PALS1: variants seen among roughly 807,000 people sequenced by gnomAD.
PALS1 encodes the protein protein PALS1.
PALS1 carries 31 observed loss-of-function variants against 78.9 expected under a neutral mutation model. The observed-to-expected ratio is 0.39, with a 90% confidence interval of 0.30 to 0.53. The LOEUF is 0.53. Among genes scored for constraint, PALS1 ranks in the 20% least tolerant of loss-of-function variants. The pLI is 0.67. For synonymous variants in PALS1, 276 were observed against 270.9 expected (o/e 1.02, Z -0.18); for missense variants, 704 against 826.5 (o/e 0.85, Z 1.82).
rs1304449085 is a variant in PALS1 at position 67,296,559 on chromosome 14, C to G, written c.576+3840C>G. Among the ~76,000 whole-genome samples, 2 of 124,182 alleles carry G rather than the reference C, an allele frequency of 1.6e-5. 1 individual carries two copies. The highest frequency in any genetic ancestry group is 5.0e-4 in the South Asian group (2 of 4,024). 81.5% of individuals were successfully genotyped at this position (124,182 alleles called of 152,430 possible). A position where few individuals can be genotyped will look rare whatever the true frequency, so the allele number is the denominator to read the frequency against. Reference sequence around the variant, plus strand: ...ATCGTGCCACTGCACTCCATCCAGCCTGGGCAACAGAGTGAAACTCTGTCT... The same window carrying G: ...ATCGTGCCACTGCACTCCATCCAGCGTGGGCAACAGAGTGAAACTCTGTCT... On this transcript the variant is annotated intron_variant, in intron 4 of 14. Coordinates refer to ENST00000261681, the MANE Select transcript of PALS1 (RefSeq NM_022474.4).
At chr14:67,286,578 G>A (rs555184594) in intron 3 of PALS1, among the ~76,000 whole-genome samples, 5 of 151,914 alleles carry the variant, frequency 3.3e-5, no homozygotes, top group South Asian at 2.1e-4. Flanking sequence ...GTTCTTAGCC[G>A]GGCGTGGTGG....
rs202026634 is a variant in PALS1, at chr14:67,244,879, GA to G, written c.-237+3347del. Among the ~76,000 whole-genome samples, 703 of 152,298 alleles carry G rather than the reference GA, an allele frequency of 4.6e-3. 4 individuals carry two copies. Among genetic ancestry groups the G allele is most frequent in the African/African-American group, 0.016 (670 of 41,564 alleles). On this transcript the variant is annotated intron_variant, in intron 1 of 14. Transcript: ENST00000261681. ...AGGTTGCTAATCAGATGACTTTAGG[GA>G]GATTATTGTGGATTATTCAGGTGGT...
chr14:67,302,563 G>T lies in PALS1; in HGVS notation c.955G>T (p.Asp319Tyr). The T allele has an allele frequency of 1.3e-6, 2 of 1,509,332 alleles. No homozygotes were observed. Among genetic ancestry groups the T allele is most frequent in the South Asian group, 2.8e-5 (2 of 71,324 alleles). 93.5% of individuals were successfully genotyped at this position (1,509,332 alleles called of 1,614,324 possible). ...GGGGAAAGATGTCAATGAGGTTTTT[G>T]ACTTGTTGGTAAGTTGACGCAGCTA... is the stretch of plus-strand genomic sequence containing the variant. ...IRGKDVNEVF[D>Y]LLSDMHGTLT... Residue 319 changes from aspartate to tyrosine, a missense_variant, in exon 7 of 15, where the codon GAC becomes TAC. Transcript: ENST00000261681.
Position 67,292,602 on chromosome 14 carries a change from T to A in PALS1, c.459T>A (p.Leu153=). Residue 153 remains leucine, a synonymous_variant, in exon 4 of 15, where the codon CTT becomes CTA. Coordinates refer to ENST00000261681, the MANE Select transcript of PALS1 (RefSeq NM_022474.4). ...SQEDISLLLQ[L]VQNKDFQNAF... is the part of the protein sequence containing the mutation. ...AGGATATTTCACTGCTTTTACAACT[T>A]GTTCAAAATAAGGATTTCCAGAATG... is the stretch of plus-strand genomic sequence containing the variant. 1.2e-6 allele frequency: 2 copies of A among 1,613,678 alleles called. No homozygotes were observed. The highest frequency in any genetic ancestry group is 1.7e-6 in the Non-Finnish European group (2 of 1,179,700).
chr14:67,246,910 A>G (rs1458208778), intron 1 of PALS1, among the ~76,000 whole-genome samples: 1 of 152,184 alleles, frequency 6.6e-6, no homozygotes, highest in Non-Finnish European at 1.5e-5. Flanking sequence ...CCGGCTTCCC[A>G]AAGTGCTGGG....
In PALS1 at chr14:67,275,806, T is replaced by C. The variant is rs115079875; in HGVS notation, c.-153-3212T>C. On this transcript the variant is annotated intron_variant, in intron 2 of 14. Coordinates refer to ENST00000261681, the MANE Select transcript of PALS1 (RefSeq NM_022474.4). ...TATTGCCTCAATTTCAGAGCTATTATTGGTGTATTCAGGGATTCGACTTCT... is the reference window on the plus strand; with the variant it reads ...TATTGCCTCAATTTCAGAGCTATTACTGGTGTATTCAGGGATTCGACTTCT... Among the ~76,000 whole-genome samples, 915 of 152,298 alleles carry C rather than the reference T, an allele frequency of 6.0e-3. 12 individuals carry two copies. The highest frequency in any genetic ancestry group is 0.021 in the African/African-American group (865 of 41,550).
chr14:67,301,345 C>T (rs774638717), intron 4 of PALS1, 44 bp from the exon 5 acceptor site: 1 of 1,390,640 alleles, frequency 7.2e-7, no homozygotes, highest in African/African-American at 1.4e-5. Flanking sequence ...GCTACTGATA[C>T]TTCCTATAAT....
intron 3 of PALS1, among the ~76,000 whole-genome samples, chr14:67,281,582 G>A (rs1240905420): frequency 3.9e-5 from 6 of 151,986 alleles, no homozygotes; most frequent in African/African-American, 1.2e-4. Flanking sequence ...GTGCAAACCT[G>A]GATTGATTCT....
intron 3 of PALS1, among the ~76,000 whole-genome samples, chr14:67,284,577 A>C (rs1291801680): frequency 2.1e-5 from 3 of 144,946 alleles, no homozygotes; most frequent in African/African-American, 2.5e-5. Context: ...AAAAAAAAAA[A>C]AAAAAAAAAA....
At chr14:67,260,218 G>A (rs2084214254) in intron 1 of PALS1, among the ~76,000 whole-genome samples, 1 of 152,122 alleles carries the variant, frequency 6.6e-6, no homozygotes. Context: ...TTATGAATGA[G>A]GACATTCCTC....
chr14:67,306,934 T>G (rs750456806), intron 8 of PALS1, among the ~76,000 whole-genome samples: 14 of 152,236 alleles, frequency 9.2e-5, no homozygotes, highest in Non-Finnish European at 1.9e-4. Flanking sequence ...GCAGCAGATA[T>G]CTTCCTGATT....
In PALS1 at chr14:67,317,498, G is replaced by C. The variant is rs760424261; in HGVS notation, c.1369+19G>C. On this transcript the variant is annotated intron_variant, in intron 11 of 14. Transcript: ENST00000261681. ...AATGATGGTAAGTTCTACTCTCAGG[G>C]ATAGGTGGAATTATATCTGAAAGGA... is the stretch of plus-strand genomic sequence containing the variant. The C allele has an allele frequency of 5.8e-6, 9 of 1,545,432 alleles. No homozygotes were observed. The Admixed American group carries it at 1.6e-4, about 27-fold the overall frequency.
At chr14:67,280,857 C>CCTTCCTTCCA in intron 3 of PALS1, among the ~76,000 whole-genome samples, 1 of 53,260 alleles carries the variant, frequency 1.9e-5, no homozygotes. Context: ...CCTTCCTTCC[C>CCTTCCTTCCA]TCCCTCCCTC....
At position 67,332,806 on chromosome 14, in the gene PALS1, G is replaced by A. The variant is rs149121571; in HGVS notation, c.1878G>A (p.Glu626=). The part of the protein sequence containing the change: ...PKPEELREII[E]KTREMEQNNG... ...CTGAAGAGTTGAGAGAAATCATTGAGAAGACAAGAGAGATGGAGCAGAACA... is the reference window on the plus strand; with the variant it reads ...CTGAAGAGTTGAGAGAAATCATTGAAAAGACAAGAGAGATGGAGCAGAACA... Residue 626 remains glutamate, a synonymous_variant, in exon 15 of 15, where the codon GAG becomes GAA. Coordinates refer to ENST00000261681, the MANE Select transcript of PALS1 (RefSeq NM_022474.4). 6,679 of 1,612,236 alleles carry A rather than the reference G, an allele frequency of 4.1e-3. 87 individuals carry two copies. Among genetic ancestry groups the A allele is most frequent in the Non-Finnish European group, 2.9e-3 (3,370 of 1,178,690 alleles).
chr14:67,321,022 A>G (rs1481633810), intron 12 of PALS1, 35 bp from the exon 13 acceptor site: 2 of 1,584,536 alleles, frequency 1.3e-6, no homozygotes, highest in Non-Finnish European at 1.7e-6. Context: ...ACTCTAAGCC[A>G]TGCCTGTTAT....
At position 67,323,738 on chromosome 14, in the gene PALS1, T is replaced by G; in HGVS notation, c.1777T>G (p.Tyr593Asp). ...KTLRNSDLKP[Y>D]IIFIAPPSQE... ...TCTCCGGAATTCAGATTTGAAACCA[T>G]ATATTATCTTCATTGCACCCCCTTC... The change falls in exon 14 of 15, where the codon TAT (tyrosine) becomes GAT (aspartate). Residue 593 changes from tyrosine to aspartate, a missense_variant. Transcript: ENST00000261681. 1 of 1,601,718 alleles carries G rather than the reference T, an allele frequency of 6.2e-7. No individual in the cohort carries two copies. Among genetic ancestry groups the G allele is most frequent in the South Asian group, 1.1e-5 (1 of 88,986 alleles).
chr14:67,320,337 A>C lies in PALS1; in HGVS notation c.1477A>C (p.Asn493His), dbSNP rs765937140. The C allele has an allele frequency of 6.2e-7, 1 of 1,613,478 alleles. No individual in the cohort carries two copies. The highest frequency in any genetic ancestry group is 1.1e-5 in the South Asian group (1 of 90,952). The change falls in exon 12 of 15, where the codon AAT becomes CAT. Residue 493 changes from asparagine to histidine, a missense_variant. By Grantham distance (68) the Asn-to-His change is moderately conservative (BLOSUM62 1). Transcript: ENST00000261681. ...GATTGGTCCACAGAACTGTGGCCAG[A>C]ATGAATTGCGTCAGAGGCTCATGAA... ...ILIGPQNCGQ[N>H]ELRQRLMNKE...
At chr14:67,299,911 C>G (rs759569995) in intron 4 of PALS1, among the ~76,000 whole-genome samples, 1 of 152,098 alleles carries the variant, frequency 6.6e-6, no homozygotes, top group Non-Finnish European at 1.5e-5. Flanking sequence ...CTTCAGCTGT[C>G]AAAAGGTGTA....
intron 1 of PALS1, among the ~76,000 whole-genome samples, chr14:67,268,922 G>A (rs570503450): frequency 1.1e-4 from 17 of 152,266 alleles, no homozygotes; most frequent in African/African-American, 3.9e-4. Context: ...CCTTTCAAGT[G>A]TGCAAATTCA....
Sources: gnomAD v4.1 joint callset for allele counts (sites outside exome capture counted in the v4.1 genomes callset) on GRCh38, gnomAD v4.1.1 for gene constraint, MANE v1.5 for transcripts, NCBI Gene and HGNC (gene_info 2026-07-23, HGNC 2026-07-21) for gene names.